ADAMTS12: variants seen among roughly 807,000 people sequenced by gnomAD.
ADAMTS12 encodes the protein A disintegrin and metalloproteinase with thrombospondin motifs 12.
ADAMTS12 carries 118 observed loss-of-function variants against 167.8 expected under a neutral mutation model. The observed-to-expected ratio is 0.70, with a 90% CI of 0.61 to 0.82. ADAMTS12 has a LOEUF of 0.82. Ranked by LOEUF, ADAMTS12 falls within the 40% of genes least tolerant of loss-of-function variation. The pLI is 0.00. For synonymous variants in ADAMTS12, 704 were observed against 716.9 expected (o/e 0.98, Z 0.29); for missense variants, 1,916 against 1,998.8 (o/e 0.96, Z 0.79).
chr5:33,824,132 A>T (rs1747970859), intron 2 of ADAMTS12, among the ~76,000 whole-genome samples: 1 of 152,204 alleles, frequency 6.6e-6, no homozygotes, highest in Non-Finnish European at 1.5e-5. Context: ...TCTCAATAAT[A>T]ATAGATCATA....
chr5:33,639,824 T>A (rs1740374302), intron 11 of ADAMTS12, among the ~76,000 whole-genome samples: 1 of 152,162 alleles, frequency 6.6e-6, no homozygotes, highest in Non-Finnish European at 1.5e-5. Context: ...CCCATGAGAT[T>A]TTCTATACCT....
At chr5:33,724,510 T>C (rs79200284) in intron 3 of ADAMTS12, among the ~76,000 whole-genome samples, 3,859 of 152,188 alleles carry the variant, frequency 0.025, 153 homozygotes, top group African/African-American at 0.089. Flanking sequence ...GACTGAGGAC[T>C]TTGTAAACAG....
intron 16 of ADAMTS12, among the ~76,000 whole-genome samples, chr5:33,601,697 A>G (rs1738197818): frequency 6.6e-6 from 1 of 152,206 alleles, no homozygotes; most frequent in Admixed American, 6.5e-5. Context: ...TTGAATGTAT[A>G]TTAGATAATA....
chr5:33,667,669 C>G (rs999930620), intron 5 of ADAMTS12, among the ~76,000 whole-genome samples: 6 of 152,146 alleles, frequency 3.9e-5, no homozygotes, highest in Admixed American at 2.0e-4. Flanking sequence ...TTAAACCAAA[C>G]ACTTCTAAAG....
intron 3 of ADAMTS12, among the ~76,000 whole-genome samples, chr5:33,720,750 C>T (rs186953766): frequency 1.1e-3 from 173 of 152,230 alleles, no homozygotes; most frequent in African/African-American, 4.0e-3. Flanking sequence ...TGCTGGTGAG[C>T]GGGTAAATTG....
chr5:33,615,676 A>T (rs890246017), intron 15 of ADAMTS12, 152 bp downstream of exon 15: 1 of 1,120,888 alleles, frequency 8.9e-7, no homozygotes, highest in Non-Finnish European at 1.3e-6. Context: ...AAGGATTAAC[A>T]GCACAAACTA....
At chr5:33,601,241 A>T (rs926097532) in intron 16 of ADAMTS12, among the ~76,000 whole-genome samples, 1 of 151,992 alleles carries the variant, frequency 6.6e-6, no homozygotes, top group Non-Finnish European at 1.5e-5. Context: ...AATCCTGCTA[A>T]CCTTCTCAAG....
chr5:33,714,268 A>G (rs1173424691), intron 3 of ADAMTS12, among the ~76,000 whole-genome samples: 1 of 152,156 alleles, frequency 6.6e-6, no homozygotes, highest in Admixed American at 6.6e-5. Context: ...AAACACACAC[A>G]CACACAAAAT....
intron 19 of ADAMTS12, among the ~76,000 whole-genome samples, chr5:33,562,293 C>A (rs528199483): frequency 6.6e-6 from 1 of 152,308 alleles, no homozygotes; most frequent in South Asian, 2.1e-4. Context: ...CTTTGCCACA[C>A]ATACAGCTCA....
At position 33,630,820 on chromosome 5, in the gene ADAMTS12, C is replaced by T; in HGVS notation, c.1982G>A (p.Gly661Asp). ...AATACAGACATTTCTGCTGTTGCCG[C>T]CTTCAAAGCAAGGGGTACCATCAAT... is the stretch of plus-strand genomic sequence containing the variant. ...AVIDGTPCFE[G>D]GNSRNVCING... The change falls in exon 13 of 24, where the codon GGC becomes GAC. Residue 661 changes from glycine (G) to aspartate (D), a missense_variant. By Grantham distance (94) the Gly-to-Asp change is moderately conservative. Coordinates refer to ENST00000504830, the MANE Select transcript of ADAMTS12 (RefSeq NM_030955.4). The T allele has an allele frequency of 6.2e-7, 1 of 1,613,680 alleles. No homozygotes were observed. The highest frequency in any genetic ancestry group is 8.5e-7 in the Non-Finnish European group (1 of 1,179,706).
intron 2 of ADAMTS12, among the ~76,000 whole-genome samples, chr5:33,849,793 T>C (rs924822743): frequency 6.7e-6 from 1 of 150,354 alleles, no homozygotes; most frequent in Admixed American, 6.7e-5. Context: ...ATAGTATCTA[T>C]ATATGTATTG....
At chr5:33,818,539 T>G (rs936600181) in intron 2 of ADAMTS12, among the ~76,000 whole-genome samples, 1 of 152,096 alleles carries the variant, frequency 6.6e-6, no homozygotes, top group Non-Finnish European at 1.5e-5. Context: ...GTAATTCACA[T>G]GAGTGTAGAT....
intron 3 of ADAMTS12, among the ~76,000 whole-genome samples, chr5:33,721,558 C>T (rs748022160): frequency 2.6e-5 from 4 of 152,170 alleles, no homozygotes; most frequent in Non-Finnish European, 4.4e-5. Context: ...GGATTGCCAC[C>T]TGCAAAATTA....
In ADAMTS12 at chr5:33,752,385, G is replaced by A. The variant is rs542181924; in HGVS notation, c.490-837C>T. On this transcript the variant is annotated intron_variant, in intron 2 of 23. Coordinates refer to ENST00000504830, the MANE Select transcript of ADAMTS12 (RefSeq NM_030955.4). ...GACCTGACCTAGACAGACTGCTTGG[G>A]GCATCACATTAAAGTGATCAGGAGC... is the stretch of plus-strand genomic sequence containing the variant. Among the ~76,000 whole-genome samples the A allele has an allele frequency of 2.6e-4, 40 of 152,214 alleles. No homozygotes were observed. The South Asian group carries it at 8.3e-3, about 32-fold the overall frequency.
At chr5:33,700,546 G>A (rs1742961334) in intron 3 of ADAMTS12, among the ~76,000 whole-genome samples, 1 of 152,196 alleles carries the variant, frequency 6.6e-6, no homozygotes, top group African/African-American at 2.4e-5. Context: ...GCATGGTAGG[G>A]AGGTGGGTAT....
At chr5:33,637,851 C>G in intron 11 of ADAMTS12, 105 bp from the exon 12 acceptor site, 2 of 1,200,520 alleles carry the variant, frequency 1.7e-6, no homozygotes, top group South Asian at 3.2e-5. Flanking sequence ...TCTCTCTATG[C>G]CCTCAAAACT....
intron 19 of ADAMTS12, 36 bp downstream of exon 19, chr5:33,576,018 C>T: frequency 6.4e-7 from 1 of 1,557,560 alleles, no homozygotes; most frequent in East Asian, 2.3e-5. Flanking sequence ...AGCTTTTTTC[C>T]ATGTAAAACC....
chr5:33,706,876 C>T (rs113369244), intron 3 of ADAMTS12, among the ~76,000 whole-genome samples: 92,831 of 152,022 alleles, frequency 0.61, 29,521 homozygotes, highest in Non-Finnish European at 0.69. Context: ...TGCAAGCATT[C>T]CCTTTGAAAA....
At chr5:33,623,870 A>C (rs944836917) in intron 14 of ADAMTS12, among the ~76,000 whole-genome samples, 1 of 151,886 alleles carries the variant, frequency 6.6e-6, no homozygotes, top group Admixed American at 6.6e-5. Context: ...TCTCTCCCCT[A>C]GTTCTTGGTC....
Sources: allele counts gnomAD v4.1 joint callset (sites outside exome capture counted in the v4.1 genomes callset), GRCh38; gene constraint gnomAD v4.1.1; transcripts MANE v1.5; gene names NCBI Gene and HGNC (gene_info 2026-07-23, HGNC 2026-07-21).